The following HYCC1 variants were observed in gnomAD, a reference collection of about 807,000 sequenced individuals.
The protein encoded by HYCC1 is hyccin PI4KA lipid kinase complex subunit 1.
At chr7:22,975,229 A>G in the HYCC1 span, among the ~76,000 whole-genome samples, 3 of 152,316 alleles carry the variant, frequency 2.0e-5, no homozygotes, top group African/African-American at 7.2e-5. Context: ...TCCTTTTTAA[A>G]AAAAGTAACA....
At chr7:22,967,898 G>C in the HYCC1 span, among the ~76,000 whole-genome samples, 1 of 152,106 alleles carries the variant, frequency 6.6e-6, no homozygotes, top group Non-Finnish European at 1.5e-5. Context: ...TTTAGGTACC[G>C]TGGTATAGTA....
the HYCC1 span, among the ~76,000 whole-genome samples, chr7:23,000,923 T>G: frequency 4.7e-5 from 7 of 149,778 alleles, no homozygotes; most frequent in East Asian, 2.0e-4. Flanking sequence ...TAAAGAAGTT[T>G]TTTTTTTTTT....
the HYCC1 span, among the ~76,000 whole-genome samples, chr7:22,957,525 A>G: frequency 1.3e-5 from 2 of 151,966 alleles, no homozygotes. Flanking sequence ...CTAGGAAAAC[A>G]AAGAGGCAAG....
At chr7:23,000,621 G>A in the HYCC1 span, among the ~76,000 whole-genome samples, 3 of 151,928 alleles carry the variant, frequency 2.0e-5, no homozygotes, top group Admixed American at 6.6e-5. Flanking sequence ...TTCAACAAAC[G>A]ATCTCTCCTG....
At chr7:22,896,672 A>G in the HYCC1 span, among the ~76,000 whole-genome samples, 5 of 152,176 alleles carry the variant, frequency 3.3e-5, no homozygotes, top group Non-Finnish European at 7.3e-5. Context: ...GAGAGGAGAA[A>G]GGCCTTTCTC....
chr7:22,899,395 C>T, the HYCC1 span, among the ~76,000 whole-genome samples: 1 of 152,134 alleles, frequency 6.6e-6, no homozygotes, highest in Non-Finnish European at 1.5e-5. Flanking sequence ...CCACTACCTT[C>T]TCGGAAGGTT....
chr7:22,918,218 A>C, the HYCC1 span, among the ~76,000 whole-genome samples: 16 of 152,298 alleles, frequency 1.1e-4, no homozygotes, highest in South Asian at 3.3e-3. Context: ...TCCCAATCTT[A>C]GTCCTTTAAT....
the HYCC1 span, among the ~76,000 whole-genome samples, chr7:22,926,392 T>G: frequency 6.6e-6 from 1 of 152,138 alleles, no homozygotes; most frequent in Non-Finnish European, 1.5e-5. Context: ...ACTGGCAAAT[T>G]GGATAAAGAG....
chr7:22,991,271 T>G, the HYCC1 span: 4 of 600,572 alleles, frequency 6.7e-6, no homozygotes, highest in Admixed American at 3.1e-5. Flanking sequence ...AATTACTAAA[T>G]TCATTTCAAA....
chr7:22,923,976 G>A, the HYCC1 span, among the ~76,000 whole-genome samples: 28 of 132,422 alleles, frequency 2.1e-4, no homozygotes, highest in East Asian at 5.6e-3. Flanking sequence ...GGCCAACACG[G>A]CAAAACCCTG....
At chr7:22,913,181 T>C in the HYCC1 span, among the ~76,000 whole-genome samples, 1 of 151,202 alleles carries the variant, frequency 6.6e-6, no homozygotes, top group Non-Finnish European at 1.5e-5. Flanking sequence ...TCTCAAAAAC[T>C]AAAACTAAAG....
the HYCC1 span, among the ~76,000 whole-genome samples, chr7:22,982,913 T>A: frequency 6.6e-6 from 1 of 152,168 alleles, no homozygotes; most frequent in Non-Finnish European, 1.5e-5. Context: ...TTCACCTTTT[T>A]CCAAATGCCA....
chr7:22,985,359 C>G, the HYCC1 span, among the ~76,000 whole-genome samples: 1 of 152,146 alleles, frequency 6.6e-6, no homozygotes, highest in Non-Finnish European at 1.5e-5. Flanking sequence ...TCTCTGCAAC[C>G]ACAGCACTCA....
the HYCC1 span, chr7:22,961,171 A>G: frequency 1.1e-6 from 1 of 937,940 alleles, no homozygotes; most frequent in Non-Finnish European, 1.7e-6. Context: ...ATGGCTCTCA[A>G]TTTATAGTTC....
chr7:22,993,685 AACACACAC>A, the HYCC1 span, among the ~76,000 whole-genome samples: 1 of 149,088 alleles, frequency 6.7e-6, no homozygotes, highest in East Asian at 2.0e-4. Flanking sequence ...ACACCATACA[AACACACAC>A]ACACACACAC....
the HYCC1 span, among the ~76,000 whole-genome samples, chr7:22,914,619 C>T: frequency 1.3e-5 from 2 of 152,174 alleles, no homozygotes; most frequent in Non-Finnish European, 2.9e-5. Context: ...GCCTGACGTC[C>T]AGGCATTCTT....
At chr7:22,946,990 C>A in the HYCC1 span, 11 of 1,549,462 alleles carry the variant, frequency 7.1e-6, no homozygotes, top group Non-Finnish European at 8.7e-6. Context: ...TAAAACTGCA[C>A]TCTGCCAGGT....
chr7:22,952,929 G>A, the HYCC1 span, among the ~76,000 whole-genome samples: 1 of 151,950 alleles, frequency 6.6e-6, no homozygotes, highest in African/African-American at 2.4e-5. Context: ...TAAGAAAAGA[G>A]CAGCCTGGGG....
the HYCC1 span, among the ~76,000 whole-genome samples, chr7:22,920,753 T>C: frequency 2.6e-5 from 4 of 152,264 alleles, no homozygotes; most frequent in South Asian, 2.1e-4. Flanking sequence ...TTTGTTATGG[T>C]TGGAATGTGT....
Sources: allele counts gnomAD v4.1 joint callset (sites outside exome capture counted in the v4.1 genomes callset), GRCh38; gene constraint gnomAD v4.1.1; transcripts MANE v1.5; gene names NCBI Gene and HGNC (gene_info 2026-07-23, HGNC 2026-07-21).